HBP1: variants seen among roughly 807,000 people sequenced by gnomAD.
The protein encoded by HBP1 is HMG box-containing protein 1.
In HBP1, 20 loss-of-function variants were observed where a neutral mutation model predicts 62.6. The observed-to-expected ratio is 0.32, with a 90% CI of 0.22 to 0.46. The LOEUF is 0.46. Ranked by LOEUF, HBP1 falls within the 20% of genes least tolerant of loss-of-function variation. The pLI is 1.00. For synonymous variants in HBP1, 232 were observed against 206.2 expected (o/e 1.12, Z -1.07); for missense variants, 480 against 611.8 (o/e 0.78, Z 2.27).
intron 1 of HBP1, among the ~76,000 whole-genome samples, chr7:107,177,840 T>C (rs1039480143): frequency 7.2e-5 from 11 of 152,304 alleles, no homozygotes; most frequent in African/African-American, 2.4e-4. Flanking sequence ...AGTAATCATA[T>C]TCCTTTTTTT....
At chr7:107,171,617 G>A (rs1461472859) in intron 1 of HBP1, among the ~76,000 whole-genome samples, 2 of 152,008 alleles carry the variant, frequency 1.3e-5, no homozygotes, top group African/African-American at 4.8e-5. Context: ...CTGTCCCAGC[G>A]CTTTGAGAGG....
At chr7:107,180,880 C>T (rs1341798692) in intron 2 of HBP1, among the ~76,000 whole-genome samples, 1 of 152,116 alleles carries the variant, frequency 6.6e-6, no homozygotes, top group African/African-American at 2.4e-5. Context: ...TGATCTTCCT[C>T]AGTTTTTGGT....
At position 107,201,741 on chromosome 7, in the gene HBP1, GAGA is replaced by G; in HGVS notation, c.*313_*315del. The G allele has an allele frequency of 3.4e-6, 1 of 291,908 alleles. No homozygotes were observed. Among genetic ancestry groups the G allele is most frequent in the Non-Finnish European group, 6.3e-6 (1 of 157,760 alleles). The allele number at this position is 291,908 out of a possible 1,614,324, so 18.1% of individuals were successfully genotyped here. On this transcript the variant is annotated 3_prime_UTR_variant, in exon 11 of 11. Transcript: ENST00000222574. Reference sequence around the variant, plus strand: ...GTGCTAAAGTACAGTAGAAAGAGAGGAGAAGTGTATACATGTTTTATTTTAAAT... The same window carrying G: ...GTGCTAAAGTACAGTAGAAAGAGAGGAGTGTATACATGTTTTATTTTAAAT...
intron 6 of HBP1, among the ~76,000 whole-genome samples, chr7:107,188,287 C>A (rs939748307): frequency 1.3e-5 from 2 of 152,154 alleles, no homozygotes; most frequent in African/African-American, 4.8e-5. Flanking sequence ...CCTTTTTCTT[C>A]CTCTTCTTGG....
At position 107,169,192 on chromosome 7, in the gene HBP1, T is replaced by C; in HGVS notation, c.-16+7T>C. On this transcript the variant is annotated splice_region_variant and intron_variant, in intron 1 of 10. Coordinates refer to ENST00000222574, the MANE Select transcript of HBP1 (RefSeq NM_012257.4). The stretch of plus-strand genomic sequence containing the variant: ...TGCCGGCACTTCGCGGCAGGTTTGT[T>C]GTCTTTCAGTTAGGGAAGAGGTGGG... 6 of 1,029,048 alleles carry C rather than the reference T, an allele frequency of 5.8e-6. No homozygotes were observed. The highest frequency in any genetic ancestry group is 7.0e-6 in the Non-Finnish European group (6 of 853,188). The allele number at this position is 1,029,048 out of a possible 1,614,324, so 63.7% of individuals were successfully genotyped here. A position where few individuals can be genotyped will look rare whatever the true frequency, so the allele number is the denominator to read the frequency against.
chr7:107,179,767 G>T, intron 1 of HBP1, 112 bp from the exon 2 acceptor site: 5 of 626,842 alleles, frequency 8.0e-6, no homozygotes, highest in Non-Finnish European at 1.4e-5. Context: ...GTGTGACTAT[G>T]TCTCAAAAAA....
intron 9 of HBP1, among the ~76,000 whole-genome samples, chr7:107,199,739 A>T (rs1394224450): frequency 6.6e-6 from 1 of 152,246 alleles, no homozygotes; most frequent in Non-Finnish European, 1.5e-5. Flanking sequence ...TAGTCTTATC[A>T]GTTTAACTTC....
chr7:107,178,402 G>A (rs980096832), intron 1 of HBP1, among the ~76,000 whole-genome samples: 3 of 150,922 alleles, frequency 2.0e-5, no homozygotes, highest in African/African-American at 7.3e-5. Flanking sequence ...GAACTAATTC[G>A]ATCGTTGTCC....
intron 6 of HBP1, among the ~76,000 whole-genome samples, chr7:107,187,909 A>C (rs1003979253): frequency 1.3e-5 from 2 of 152,080 alleles, no homozygotes; most frequent in Non-Finnish European, 1.5e-5. Flanking sequence ...TGCCCCCTTC[A>C]CTTTCTTCAC....
In HBP1 at chr7:107,179,418, A is replaced by T. The variant is rs967025494; in HGVS notation, c.-15-461A>T. ...TCAGTTGTAGGCCAAGATGTTAAGG[A>T]GTCATCCGGGTCTAAAGGATTTGAG... On this transcript the variant is annotated intron_variant, in intron 1 of 10. Coordinates refer to ENST00000222574, the MANE Select transcript of HBP1 (RefSeq NM_012257.4). Among the ~76,000 whole-genome samples the T allele has an allele frequency of 3.3e-5, 5 of 152,178 alleles. No individual in the cohort carries two copies. In the South Asian group the frequency reaches 6.2e-4, roughly 19 times the overall value.
chr7:107,198,305 GTT>G lies in HBP1; in HGVS notation c.1386-1854_1386-1853del, dbSNP rs1479388468. 4.6e-5 allele frequency among the ~76,000 whole-genome samples: 7 copies of G among 151,852 alleles called. No homozygotes were observed. In the East Asian group the frequency reaches 1.4e-3, roughly 29 times the overall value. ...GCTCATTGCAACTGCTGCCTCCTAG[GTT>G]GAAGTGATTCTCCTGCCTCAGCCTC... is the stretch of plus-strand genomic sequence containing the variant. On this transcript the variant is annotated intron_variant, in intron 9 of 10. Coordinates refer to ENST00000222574, the MANE Select transcript of HBP1 (RefSeq NM_012257.4).
chr7:107,174,710 A>G, intron 1 of HBP1: 1 of 984,708 alleles, frequency 1.0e-6, no homozygotes, highest in Non-Finnish European at 1.2e-6. Flanking sequence ...GAAGAGAGAT[A>G]CCTGTGTAGT....
chr7:107,200,034 C>T, intron 9 of HBP1, 126 bp from the exon 10 acceptor site: 1 of 690,072 alleles, frequency 1.4e-6, no homozygotes, highest in Admixed American at 3.5e-5. Flanking sequence ...GACCTTTTCC[C>T]ATCTCTGTGA....
chr7:107,189,877 A>G (rs1200102191), intron 7 of HBP1: 1 of 273,652 alleles, frequency 3.7e-6, no homozygotes, highest in Non-Finnish European at 6.8e-6. Context: ...ACTTATTGTC[A>G]TTGTAGACTG....
chr7:107,171,011 GTA>G (rs1172717668), intron 1 of HBP1, among the ~76,000 whole-genome samples: 9 of 119,808 alleles, frequency 7.5e-5, no homozygotes, highest in African/African-American at 3.1e-4. Flanking sequence ...ACATATACAT[GTA>G]TATATATAAA....
chr7:107,198,075 G>GTAT (rs1798014280), intron 9 of HBP1, among the ~76,000 whole-genome samples: 1 of 152,146 alleles, frequency 6.6e-6, no homozygotes, highest in Non-Finnish European at 1.5e-5. Context: ...GATGCATTCT[G>GTAT]TATTTATTTC....
At chr7:107,170,750 CTCTT>C (rs1391266225) in intron 1 of HBP1, among the ~76,000 whole-genome samples, 1 of 151,280 alleles carries the variant, frequency 6.6e-6, no homozygotes, top group Admixed American at 6.6e-5. Context: ...AAAACCCTTC[CTCTT>C]TCTTAACTTC....
chr7:107,195,208 GATGGGGTTTCACC>G (rs1797835751), intron 8 of HBP1, among the ~76,000 whole-genome samples: 4 of 152,196 alleles, frequency 2.6e-5, no homozygotes, highest in Admixed American at 2.6e-4. Context: ...TTTTGGTAGA[GATGGGGTTTCACC>G]ATGTTGCCCA....
At chr7:107,186,953 A>G (rs1797407775) in intron 6 of HBP1, among the ~76,000 whole-genome samples, 1 of 152,130 alleles carries the variant, frequency 6.6e-6, no homozygotes, top group East Asian at 1.9e-4. Flanking sequence ...GAAAACTGGT[A>G]TTAAAAATAT....
Sources: allele counts gnomAD v4.1 joint callset (sites outside exome capture counted in the v4.1 genomes callset), GRCh38; gene constraint gnomAD v4.1.1; transcripts MANE v1.5; gene names NCBI Gene and HGNC (gene_info 2026-07-23, HGNC 2026-07-21).